LY86: variants seen among roughly 807,000 people sequenced by gnomAD.
LY86 encodes MD-1, RP105-associated.
LY86 carries 20 observed loss-of-function variants against 17.3 expected under a neutral mutation model. The ratio of observed to expected loss-of-function variants is 1.15; its 90% CI spans 0.81 to 1.68. The LOEUF is 1.68. Among genes scored for constraint, LY86 ranks in the 40% most tolerant of loss-of-function variants. LY86 has a pLI of 0.00. For missense variants in LY86, 200 were observed against 191.9 expected (o/e 1.04, Z -0.25); for synonymous variants, 74 against 70.6 (o/e 1.05, Z -0.24).
intron 1 of LY86, chr6:6,591,255 G>A (rs998053141): frequency 1.3e-5 from 2 of 153,828 alleles, no homozygotes; most frequent in East Asian, 1.9e-4. Flanking sequence ...CCCACAGGAG[G>A]ATGGCTCTTT....
At chr6:6,623,647 G>C (rs1186624770) in intron 1 of LY86, among the ~76,000 whole-genome samples, 1 of 152,204 alleles carries the variant, frequency 6.6e-6, no homozygotes, top group African/African-American at 2.4e-5. Context: ...TTTATGGAGT[G>C]CTTACTGTGG....
At chr6:6,594,511 G>A (rs3789764) in intron 1 of LY86, among the ~76,000 whole-genome samples, 108,303 of 151,974 alleles carry the variant, frequency 0.71, 40,414 homozygotes, top group Non-Finnish European at 0.82. Context: ...TCCACAGAGC[G>A]TTATAATCAT....
chr6:6,590,392 C>T (rs753340844), intron 1 of LY86, among the ~76,000 whole-genome samples: 1 of 152,160 alleles, frequency 6.6e-6, no homozygotes, highest in Non-Finnish European at 1.5e-5. Flanking sequence ...TTTCATCATG[C>T]TACTCAGGAG....
intron 4 of LY86, among the ~76,000 whole-genome samples, chr6:6,652,072 A>G (rs992827828): frequency 6.6e-6 from 1 of 151,186 alleles, no homozygotes; most frequent in Non-Finnish European, 1.5e-5. Context: ...AAAAAAAAAA[A>G]AAAAAAAAAG....
At chr6:6,611,513 A>G (rs1761331355) in intron 1 of LY86, among the ~76,000 whole-genome samples, 1 of 152,220 alleles carries the variant, frequency 6.6e-6, no homozygotes, top group Non-Finnish European at 1.5e-5. Context: ...ACTCATCTGT[A>G]ATTACTGCAA....
intron 3 of LY86, among the ~76,000 whole-genome samples, chr6:6,642,671 AACAGTAAGGACT>A (rs1762056519): frequency 6.6e-6 from 1 of 152,186 alleles, no homozygotes; most frequent in African/African-American, 2.4e-5. Context: ...GTCTTAAGGG[AACAGTAAGGACT>A]ACATCCTCGA....
intron 1 of LY86, among the ~76,000 whole-genome samples, chr6:6,614,563 C>A (rs1216802034): frequency 6.6e-6 from 1 of 152,108 alleles, no homozygotes; most frequent in Non-Finnish European, 1.5e-5. Context: ...GCTGTTCTTC[C>A]ACGTTCTTCT....
At chr6:6,624,847 C>A in intron 1 of LY86, 79 bp from the exon 2 acceptor site, 2 of 669,722 alleles carry the variant, frequency 3.0e-6, no homozygotes, top group Non-Finnish European at 5.3e-6. Flanking sequence ...CATGTGAAAA[C>A]AATATTGTTG....
intron 1 of LY86, among the ~76,000 whole-genome samples, chr6:6,594,394 C>A (rs577479673): frequency 6.6e-6 from 1 of 152,170 alleles, no homozygotes; most frequent in African/African-American, 2.4e-5. Context: ...TTTCTGTGTC[C>A]ATAAATACAG....
At chr6:6,593,730 T>TAGGGATG (rs1760604121) in intron 1 of LY86, among the ~76,000 whole-genome samples, 1 of 152,212 alleles carries the variant, frequency 6.6e-6, no homozygotes, top group African/African-American at 2.4e-5. Context: ...TTTCCTGATA[T>TAGGGATG]AGGGATGAGC....
At position 6,646,968 on chromosome 6, in the gene LY86, GTAGATTTCT is replaced by G. The variant is rs1418050937; in HGVS notation, c.353-2655_353-2647del. On this transcript the variant is annotated intron_variant, in intron 3 of 4. Coordinates refer to ENST00000230568, the MANE Select transcript of LY86 (RefSeq NM_004271.4). ...CTAGAAATCTTACTGTATTTCTCAAGTAGATTTCTTCCCCACTGTCCATGAATATTGTAT... is the reference window on the plus strand; with the variant it reads ...CTAGAAATCTTACTGTATTTCTCAAGTCCCCACTGTCCATGAATATTGTAT... Among the ~76,000 whole-genome samples the G allele has an allele frequency of 4.8e-5, 7 of 144,790 alleles. No individual in the cohort carries two copies. In the Admixed American group the frequency reaches 4.9e-4, roughly 10 times the overall value. 95.0% of individuals were successfully genotyped at this position (144,790 alleles called of 152,430 possible).
chr6:6,634,844 G>A (rs1044605723), intron 3 of LY86, among the ~76,000 whole-genome samples: 6 of 152,200 alleles, frequency 3.9e-5, no homozygotes, highest in African/African-American at 1.4e-4. Context: ...GGAATTTGGG[G>A]GGAGTGCTGG....
chr6:6,635,472 T>C (rs1761947135), intron 3 of LY86, among the ~76,000 whole-genome samples: 1 of 152,078 alleles, frequency 6.6e-6, no homozygotes, highest in African/African-American at 2.4e-5. Flanking sequence ...TCTCTCAAAA[T>C]ACCGTAACAT....
intron 1 of LY86, among the ~76,000 whole-genome samples, chr6:6,613,607 C>T (rs1223433794): frequency 6.6e-6 from 1 of 152,236 alleles, no homozygotes; most frequent in African/African-American, 2.4e-5. Context: ...GCGCGCCGCC[C>T]GGGTTCCCGC....
At chr6:6,605,391 C>T (rs1042067814) in intron 1 of LY86, among the ~76,000 whole-genome samples, 1 of 152,242 alleles carries the variant, frequency 6.6e-6, no homozygotes, top group East Asian at 1.9e-4. Flanking sequence ...TGCTTCCAAA[C>T]TCATGTGAGT....
intron 1 of LY86, among the ~76,000 whole-genome samples, chr6:6,599,020 A>AT (rs1235445808): frequency 6.6e-6 from 1 of 151,976 alleles, no homozygotes; most frequent in African/African-American, 2.4e-5. Context: ...CTTCTGTTCC[A>AT]TTTTTCCCAA....
intron 1 of LY86, among the ~76,000 whole-genome samples, chr6:6,605,979 C>A (rs1421166159): frequency 1.3e-5 from 2 of 152,122 alleles, no homozygotes; most frequent in Non-Finnish European, 2.9e-5. Context: ...AAAGAGCGAC[C>A]ACCAGCAAAA....
At chr6:6,642,132 G>A (rs1410643912) in intron 3 of LY86, among the ~76,000 whole-genome samples, 3 of 152,272 alleles carry the variant, frequency 2.0e-5, no homozygotes, top group Non-Finnish European at 4.4e-5. Context: ...ACCAGGGGCT[G>A]AGAGGATGTG....
At chr6:6,615,626 G>A (rs537703767) in intron 1 of LY86, among the ~76,000 whole-genome samples, 1 of 151,176 alleles carries the variant, frequency 6.6e-6, no homozygotes. Context: ...AGAGGCTGAG[G>A]CATGAGAATC....
Sources: allele counts gnomAD v4.1 joint callset (sites outside exome capture counted in the v4.1 genomes callset), GRCh38; gene constraint gnomAD v4.1.1; transcripts MANE v1.5; gene names NCBI Gene and HGNC (gene_info 2026-07-23, HGNC 2026-07-21).